Variants in LRMDA observed in about 807,000 individuals in gnomAD.
LRMDA encodes the protein leucine rich melanocyte differentiation associated.
LRMDA carries 18 observed loss-of-function variants against 29.8 expected under a neutral mutation model. The ratio of observed to expected loss-of-function variants is 0.60; its 90% confidence interval spans 0.42 to 0.90. The LOEUF (loss-of-function observed/expected upper bound fraction) is 0.90, where lower values mean the gene tolerates loss of function less well. LRMDA is among the 40% of genes least tolerant of loss of function. The probability of loss-of-function intolerance (pLI) is 0.00; values close to 1 mark genes in which losing one functional copy is unlikely to be tolerated. For synonymous variants in LRMDA, 125 were observed against 109.4 expected (o/e 1.14, Z -0.89); for missense variants, 273 against 273.9 (o/e 1.00, Z 0.02).
At chr10:76,045,497 A>G (rs1010857527) in intron 3 of LRMDA, among the ~76,000 whole-genome samples, 4 of 151,166 alleles carry the variant, frequency 2.6e-5, no homozygotes, top group Non-Finnish European at 5.9e-5. Context: ...CTCTCTTGCT[A>G]GTTTCACCTC....
At chr10:76,513,395 A>C (rs1843027517) in intron 6 of LRMDA, among the ~76,000 whole-genome samples, 1 of 152,032 alleles carries the variant, frequency 6.6e-6, no homozygotes, top group Non-Finnish European at 1.5e-5. Flanking sequence ...AGTTTCCCCC[A>C]CCACTCACTT....
intron 2 of LRMDA, among the ~76,000 whole-genome samples, chr10:75,586,579 A>G (rs1007806938): frequency 5.9e-5 from 9 of 151,920 alleles, no homozygotes; most frequent in African/African-American, 2.2e-4. Flanking sequence ...AGCTCAAGCA[A>G]TTCACCTGCC....
intron 2 of LRMDA, chr10:75,782,749 C>T: frequency 7.3e-7 from 1 of 1,368,010 alleles, no homozygotes; most frequent in Admixed American, 3.0e-5. Flanking sequence ...AAGCAGATGC[C>T]CTTTGCTGAC....
chr10:76,058,564 A>G, intron 4 of LRMDA, 102 bp from the exon 5 acceptor site: 1 of 951,484 alleles, frequency 1.1e-6, no homozygotes, highest in Non-Finnish European at 1.7e-6. Context: ...TCTAAGTTCC[A>G]GAAGACCGGA....
chr10:76,424,627 C>T (rs11001774), intron 6 of LRMDA, among the ~76,000 whole-genome samples: 62,442 of 152,122 alleles, frequency 0.41, 13,721 homozygotes, highest in Middle Eastern at 0.6. Flanking sequence ...GCAAAAATAT[C>T]TTCACTTTCA....
chr10:75,667,730 G>A (rs1000303749), intron 2 of LRMDA, among the ~76,000 whole-genome samples: 1 of 152,166 alleles, frequency 6.6e-6, no homozygotes, highest in Admixed American at 6.5e-5. Context: ...CATAAATACA[G>A]TGGATCTTAT....
chr10:76,206,345 A>C (rs1482464622), intron 5 of LRMDA, among the ~76,000 whole-genome samples: 1 of 152,188 alleles, frequency 6.6e-6, no homozygotes, highest in East Asian at 1.9e-4. Context: ...CTCACATGGC[A>C]TCTTTTCTGG....
intron 6 of LRMDA, among the ~76,000 whole-genome samples, chr10:76,442,901 T>A (rs925000192): frequency 6.6e-6 from 1 of 152,204 alleles, no homozygotes; most frequent in African/African-American, 2.4e-5. Context: ...CATTCTTCCA[T>A]TTGTGTGATT....
At chr10:76,237,664 A>G (rs768529467) in intron 5 of LRMDA, among the ~76,000 whole-genome samples, 1 of 152,012 alleles carries the variant, frequency 6.6e-6, no homozygotes, top group Non-Finnish European at 1.5e-5. Flanking sequence ...GTTGTTGGCA[A>G]TTCCTGCTTT....
intron 2 of LRMDA, among the ~76,000 whole-genome samples, chr10:75,710,748 G>T (rs927154830): frequency 1.3e-5 from 2 of 152,328 alleles, no homozygotes; most frequent in Non-Finnish European, 2.9e-5. Context: ...AGACTGAAAC[G>T]CAGGGAGGTC....
At chr10:76,520,996 A>G (rs1419776565) in intron 6 of LRMDA, among the ~76,000 whole-genome samples, 1 of 152,162 alleles carries the variant, frequency 6.6e-6, no homozygotes, top group African/African-American at 2.4e-5. Flanking sequence ...TTAACTCCCT[A>G]TTATGAATTA....
rs1478116882 is a variant in LRMDA at position 76,558,337 on chromosome 10, G to A, written c.*1049G>A. On this transcript the variant is annotated 3_prime_UTR_variant, in exon 7 of 7. Coordinates refer to ENST00000611255, the MANE Select transcript of LRMDA (RefSeq NM_001305581.2). ...TTTTTATAGAAGGCACAAACCTTTT[G>A]GATTTTGCATCTTTGTCATGACCTC... The A allele has an allele frequency of 2.0e-5, 3 of 152,144 alleles. No individual in the cohort carries two copies. Among genetic ancestry groups the A allele is most frequent in the Non-Finnish European group, 4.4e-5 (3 of 68,030 alleles). The allele number at this position is 152,144 out of a possible 1,614,324, so 9.4% of individuals were successfully genotyped here.
At chr10:75,558,442 T>C (rs930055076) in intron 2 of LRMDA, among the ~76,000 whole-genome samples, 18 of 152,216 alleles carry the variant, frequency 1.2e-4, no homozygotes, top group African/African-American at 4.3e-4. Context: ...CATTCAGTCA[T>C]TGATTCAGTC....
intron 5 of LRMDA, among the ~76,000 whole-genome samples, chr10:76,127,616 TCA>T (rs1564659935): frequency 1.3e-5 from 2 of 151,698 alleles, no homozygotes; most frequent in Non-Finnish European, 2.9e-5. Context: ...TTGGCAAGAC[TCA>T]GTGTGTTTTA....
chr10:75,529,699 T>C (rs1028649241), intron 2 of LRMDA, among the ~76,000 whole-genome samples: 1 of 152,196 alleles, frequency 6.6e-6, no homozygotes, highest in Admixed American at 6.5e-5. Context: ...TGTTATTGAA[T>C]TATCAGTAGA....
At chr10:76,324,566 G>T (rs976648232) in intron 6 of LRMDA, 81 bp downstream of exon 6, 12 of 1,225,878 alleles carry the variant, frequency 9.8e-6, no homozygotes, top group Middle Eastern at 1.9e-4. Flanking sequence ...CATTACTGCT[G>T]CCTCGGCACT....
chr10:75,696,490 C>T (rs976116716), intron 2 of LRMDA, among the ~76,000 whole-genome samples: 4 of 152,212 alleles, frequency 2.6e-5, no homozygotes, highest in African/African-American at 9.7e-5. Context: ...GCTTTAATAA[C>T]TATTGATTGG....
At chr10:75,532,624 T>C (rs1302364991) in intron 2 of LRMDA, among the ~76,000 whole-genome samples, 2 of 152,186 alleles carry the variant, frequency 1.3e-5, no homozygotes, top group South Asian at 2.1e-4. Flanking sequence ...CTCTTATTCA[T>C]TTCAGACTTT....
intron 5 of LRMDA, among the ~76,000 whole-genome samples, chr10:76,296,136 A>T (rs1316274509): frequency 6.6e-6 from 1 of 152,230 alleles, no homozygotes; most frequent in Non-Finnish European, 1.5e-5. Flanking sequence ...CTTTGGCTTC[A>T]TCAGCACAAG....
Sources: gnomAD v4.1 joint callset for allele counts (sites outside exome capture counted in the v4.1 genomes callset) on GRCh38, gnomAD v4.1.1 for gene constraint, MANE v1.5 for transcripts, NCBI Gene and HGNC (gene_info 2026-07-23, HGNC 2026-07-21) for gene names.